FARP1: variants seen among roughly 807,000 people sequenced by gnomAD.
FARP1 encodes FERM, ARHGEF and pleckstrin domain-containing protein 1.
FARP1 carries 52 observed loss-of-function variants against 128.8 expected under a neutral mutation model. That is an observed-to-expected ratio of 0.40 (90% CI 0.32 to 0.51). The LOEUF is 0.51. Ranked by LOEUF, FARP1 falls within the 20% of genes least tolerant of loss-of-function variation. FARP1 has a pLI of 0.45. For synonymous variants in FARP1, 580 were observed against 551.8 expected (o/e 1.05, Z -0.72); for missense variants, 1,333 against 1,367.9 (o/e 0.97, Z 0.40).
intron 2 of FARP1, among the ~76,000 whole-genome samples, chr13:98,291,603 A>C (rs1885448809): frequency 6.6e-6 from 1 of 152,202 alleles, no homozygotes; most frequent in African/African-American, 2.4e-5. Context: ...GCCAGCGGGT[A>C]TATCCCATCC....
intron 16 of FARP1, among the ~76,000 whole-genome samples, chr13:98,415,851 A>G (rs530852080): frequency 1.3e-5 from 2 of 152,372 alleles, no homozygotes; most frequent in Admixed American, 1.3e-4. Context: ...TGGGATGGGT[A>G]AGATCCGAAT....
intron 1 of FARP1, among the ~76,000 whole-genome samples, chr13:98,210,580 C>T (rs556074252): frequency 7.7e-4 from 113 of 147,388 alleles, no homozygotes; most frequent in African/African-American, 2.6e-3. Context: ...GACAGAGTCT[C>T]GCTCTGTCGC....
Position 98,181,635 on chromosome 13 carries a change from T to TGAGAG in FARP1, c.-23-31585_-23-31584insGAGAG, listed in dbSNP as rs781748804. ...TTATTTATTTATTTATTTATTTATT[T>TGAGAG]ATTTATTTGAGAGAGAGAGAGAGAG... On this transcript the variant is annotated intron_variant, in intron 1 of 26. Coordinates refer to ENST00000319562, the MANE Select transcript of FARP1 (RefSeq NM_005766.4). Among the ~76,000 whole-genome samples the TGAGAG allele has an allele frequency of 8.4e-3, 1,037 of 122,946 alleles. 14 individuals carry two copies. Among genetic ancestry groups the TGAGAG allele is most frequent in the African/African-American group, 0.031 (976 of 31,456 alleles). 80.7% of individuals were successfully genotyped at this position (122,946 alleles called of 152,430 possible). A position where few individuals can be genotyped will look rare whatever the true frequency, so the allele number is the denominator to read the frequency against.
chr13:98,172,783 C>T (rs1276447621), intron 1 of FARP1, among the ~76,000 whole-genome samples: 1 of 152,120 alleles, frequency 6.6e-6, no homozygotes, highest in Admixed American at 6.5e-5. Flanking sequence ...ATTCTTTCTC[C>T]TTGAACATCT....
chr13:98,234,192 G>A (rs1377818365), intron 2 of FARP1: 1 of 152,212 alleles, frequency 6.6e-6, no homozygotes, highest in African/African-American at 2.4e-5. Context: ...GTGTCTGGAT[G>A]TTACCCAGGG....
chr13:98,359,596 G>A (rs964452926), intron 3 of FARP1, among the ~76,000 whole-genome samples: 3 of 152,214 alleles, frequency 2.0e-5, no homozygotes, highest in African/African-American at 7.2e-5. Context: ...ATGACAGACT[G>A]CGTGTACGAT....
chr13:98,431,428 T>G, intron 18 of FARP1, 148 bp downstream of exon 18: 1 of 575,658 alleles, frequency 1.7e-6, no homozygotes, highest in Non-Finnish European at 3.1e-6. Context: ...GGCGCCGGTT[T>G]TTATTCCTGC....
intron 11 of FARP1, among the ~76,000 whole-genome samples, chr13:98,391,766 C>T (rs970500457): frequency 5.3e-5 from 8 of 152,024 alleles, no homozygotes; most frequent in South Asian, 2.1e-4. Flanking sequence ...ATAACTAGTC[C>T]AGGTCTCATA....
chr13:98,303,082 C>T (rs893717393), intron 2 of FARP1, among the ~76,000 whole-genome samples: 1 of 152,142 alleles, frequency 6.6e-6, no homozygotes, highest in Non-Finnish European at 1.5e-5. Context: ...TGGTTATGCT[C>T]AACATGCACG....
At chr13:98,275,549 A>G (rs1279681814) in intron 2 of FARP1, among the ~76,000 whole-genome samples, 1 of 151,326 alleles carries the variant, frequency 6.6e-6, no homozygotes, top group African/African-American at 2.4e-5. Flanking sequence ...TCTAGGGAGG[A>G]GATTGGCAGA....
At chr13:98,170,856 G>A (rs1168125311) in intron 1 of FARP1, among the ~76,000 whole-genome samples, 1 of 152,146 alleles carries the variant, frequency 6.6e-6, no homozygotes, top group Admixed American at 6.6e-5. Context: ...CATTTTGCAG[G>A]CTTTTCTTGA....
intron 19 of FARP1, among the ~76,000 whole-genome samples, chr13:98,438,248 C>T (rs1201508319): frequency 1.3e-5 from 2 of 152,154 alleles, no homozygotes; most frequent in Non-Finnish European, 2.9e-5. Flanking sequence ...AGTTACTGCT[C>T]ATTGAGAAGC....
At chr13:98,266,891 G>A (rs574305998) in intron 2 of FARP1, among the ~76,000 whole-genome samples, 29 of 151,578 alleles carry the variant, frequency 1.9e-4, no homozygotes, top group Non-Finnish European at 3.8e-4. Context: ...GTGCACGTCT[G>A]TAATCCCAGC....
intron 13 of FARP1, 97 bp downstream of exon 13, chr13:98,395,573 CGTCCCGATCCCGGTCCCG>C: frequency 7.1e-7 from 1 of 1,399,808 alleles, no homozygotes; most frequent in Non-Finnish European, 9.6e-7. Context: ...AGAGAACAAG[CGTCCCGATCCCGGTCCCG>C]ATCCCGGTCC....
Position 98,302,836 on chromosome 13 carries a change from A to G in FARP1, c.172-40926A>G, listed in dbSNP as rs757510814. ...TGTGGGTGCTTTGAAACCAGGGGCG[A>G]GGAGAGTTAAGGTGAGTGCAATAAG... On this transcript the variant is annotated intron_variant, in intron 2 of 26. Transcript: ENST00000319562. 5.9e-4 allele frequency among the ~76,000 whole-genome samples: 90 copies of G among 152,124 alleles called. 1 individual carries two copies. The highest frequency in any genetic ancestry group is 3.2e-3 in the Middle Eastern group (1 of 316).
rs573857557 is a variant in FARP1 at position 98,173,135 on chromosome 13, C to G, written c.-24+29643C>G. Among the ~76,000 whole-genome samples, 8 of 152,294 alleles carry G rather than the reference C, an allele frequency of 5.3e-5. No individual in the cohort carries two copies. In the East Asian group the frequency reaches 5.8e-4, roughly 11 times the overall value. ...AACCGAATCAGTTTGGCATAGAGCT[C>G]TTTTCAAATTCAGCATCATTTCAGT... On this transcript the variant is annotated intron_variant, in intron 1 of 26. Coordinates refer to ENST00000319562, the MANE Select transcript of FARP1 (RefSeq NM_005766.4).
intron 16 of FARP1, among the ~76,000 whole-genome samples, chr13:98,419,483 T>C (rs199826339): frequency 1.8e-4 from 25 of 140,042 alleles, no homozygotes; most frequent in East Asian, 6.5e-4. Context: ...CAAAAAAAAA[T>C]ACACACACAC....
At chr13:98,183,925 G>A (rs951356155) in intron 1 of FARP1, among the ~76,000 whole-genome samples, 10 of 152,040 alleles carry the variant, frequency 6.6e-5, no homozygotes, top group Non-Finnish European at 1.5e-4. Context: ...ACATATGGTG[G>A]GCATGGCGGT....
rs1479707118 is a variant in FARP1 at position 98,312,344 on chromosome 13, T to G, written c.172-31418T>G. On this transcript the variant is annotated intron_variant, in intron 2 of 26. Coordinates refer to ENST00000319562, the MANE Select transcript of FARP1 (RefSeq NM_005766.4). The stretch of plus-strand genomic sequence containing the variant: ...TTAGTAGAGACAGGGTTTCACCGTG[T>G]TAGCCAGGATGGTCTCAATCTCCTG... Among the ~76,000 whole-genome samples, 8 of 152,102 alleles carry G rather than the reference T, an allele frequency of 5.3e-5. No individual in the cohort carries two copies. In the East Asian group the frequency reaches 1.6e-3, roughly 29 times the overall value.
Sources: allele counts gnomAD v4.1 joint callset (sites outside exome capture counted in the v4.1 genomes callset), GRCh38; gene constraint gnomAD v4.1.1; transcripts MANE v1.5; gene names NCBI Gene and HGNC (gene_info 2026-07-23, HGNC 2026-07-21).